SLC25A23: variants seen among roughly 807,000 people sequenced by gnomAD.
The protein encoded by SLC25A23 is solute carrier family 25 member 23, also known as mitochondrial adenyl nucleotide antiporter SLC25A23.
Under a neutral mutation model 53.9 loss-of-function variants are expected in SLC25A23, and 32 were observed. That is an observed-to-expected ratio of 0.59 (90% confidence interval 0.45 to 0.80). The LOEUF is 0.80. SLC25A23 is among the 30% of genes least tolerant of loss of function. The probability of loss-of-function intolerance (pLI) is 0.00; values close to 1 mark genes in which losing one functional copy is unlikely to be tolerated. For missense variants in SLC25A23, 575 were observed against 651.4 expected, an observed-to-expected ratio of 0.88 and a Z score of 1.28; for synonymous variants, 275 against 264.5, an observed-to-expected ratio of 1.04 and a Z score of -0.38.
Position 6,456,405 on chromosome 19 carries a change from C to T in SLC25A23, c.483+15G>A, listed in dbSNP as rs1168235138. ...GGGCACAGCCTTCAGCTGGGGAAAG[C>T]CACCCCCACCTCACCGTGGAATGCT... On this transcript the variant is annotated intron_variant, in intron 4 of 9. Transcript: ENST00000301454. 1.2e-5 allele frequency: 20 copies of T among 1,611,796 alleles called. No homozygotes were observed. Among genetic ancestry groups the T allele is most frequent in the Non-Finnish European group, 1.7e-5 (20 of 1,178,174 alleles).
Position 6,459,024 on chromosome 19 carries a change from C to T in SLC25A23, c.156+449G>A, listed in dbSNP as rs1028472624. Among the ~76,000 whole-genome samples the T allele has an allele frequency of 1.3e-5, 2 of 152,188 alleles. No homozygotes were observed. The highest frequency in any genetic ancestry group is 2.4e-5 in the African/African-American group (1 of 41,436). On this transcript the variant is annotated intron_variant, in intron 1 of 9. Coordinates refer to ENST00000301454, the MANE Select transcript of SLC25A23 (RefSeq NM_024103.3). The surrounding 1 kb of genome is among the most constrained non-coding windows in gnomAD (Gnocchi z 4.6). ...GCAGCCCGGGACAGTGAGCCAGGCC[C>T]GTGAACGGCCCATGAAAGGGCAGGC... is the stretch of plus-strand genomic sequence containing the variant.
At chr19:6,446,498 T>A (rs2092506923) in intron 8 of SLC25A23, among the ~76,000 whole-genome samples, 1 of 152,186 alleles carries the variant, frequency 6.6e-6, no homozygotes, top group South Asian at 2.1e-4. Context: ...CCCAAAGACT[T>A]TGCTTGTGGA....
chr19:6,457,100 C>T (rs1382952052), intron 3 of SLC25A23, among the ~76,000 whole-genome samples: 3 of 150,142 alleles, frequency 2.0e-5, no homozygotes, highest in Non-Finnish European at 4.4e-5. Flanking sequence ...GAGTCTCACT[C>T]CGTCACCCTG....
intron 9 of SLC25A23, 28 bp downstream of exon 9, chr19:6,444,123 C>G (rs556170084): frequency 5.2e-6 from 8 of 1,529,480 alleles, no homozygotes; most frequent in Middle Eastern, 2.2e-4. Flanking sequence ...GAGACTCCCC[C>G]TGCCCCATCC....
At chr19:6,453,915 A>T in intron 7 of SLC25A23, 66 bp downstream of exon 7, 3 of 1,287,498 alleles carry the variant, frequency 2.3e-6, no homozygotes, top group Non-Finnish European at 3.3e-6. Context: ...TGAAATGCAG[A>T]GTGAGATGGG....
chr19:6,456,409 C>A lies in SLC25A23; in HGVS notation c.483+11G>T. On this transcript the variant is annotated intron_variant, in intron 4 of 9. Transcript: ENST00000301454. ...ACAGCCTTCAGCTGGGGAAAGCCACCCCCACCTCACCGTGGAATGCTTCCA... is the reference window on the plus strand; with the variant it reads ...ACAGCCTTCAGCTGGGGAAAGCCACACCCACCTCACCGTGGAATGCTTCCA... The A allele has an allele frequency of 6.2e-7, 1 of 1,612,982 alleles. No individual in the cohort carries two copies.
chr19:6,458,217 A>G lies in SLC25A23; in HGVS notation c.264T>C (p.Ser88=). 3 of 1,613,638 alleles carry G rather than the reference A, an allele frequency of 1.9e-6. No homozygotes were observed. Among genetic ancestry groups the G allele is most frequent in the Non-Finnish European group, 2.5e-6 (3 of 1,179,966 alleles). The part of the protein sequence containing the change: ...REQRLLLMFH[S]LDRNQDGHID... ...CCTTACCATCCTGGTTCCGGTCAAG[A>G]CTGTGAAACATGAGCAGCAGACGCT... is the stretch of plus-strand genomic sequence containing the variant. Residue 88 remains serine, a synonymous_variant, in exon 2 of 10, where the codon AGT becomes AGC. Transcript: ENST00000301454.
In SLC25A23 at chr19:6,444,174, A is replaced by C; in HGVS notation, c.1199T>G (p.Val400Gly). Residue 400 changes from valine (V) to glycine (G), a missense_variant, in exon 9 of 10, where the codon GTC becomes GGC. Transcript: ENST00000301454. ...ACCTTGTGCCTGCATGCGGGTCCGGACCAGGGCCAGCGGGTAACTGGCTAT... is the reference window on the plus strand; with the variant it reads ...ACCTTGTGCCTGCATGCGGGTCCGGCCCAGGGCCAGCGGGTAACTGGCTAT... ...GQIASYPLAL[V>G]RTRMQAQASI... 6.3e-7 allele frequency: 1 copy of C among 1,594,370 alleles called. No individual in the cohort carries two copies. Among genetic ancestry groups the C allele is most frequent in the Non-Finnish European group, 8.5e-7 (1 of 1,170,164 alleles).
chr19:6,452,467 G>T lies in SLC25A23; in HGVS notation c.916C>A (p.Arg306=), dbSNP rs765948848. The T allele has an allele frequency of 1.9e-6, 3 of 1,604,676 alleles. No individual in the cohort carries two copies. In the Admixed American group the frequency reaches 5.1e-5, roughly 27 times the overall value. The change falls in exon 8 of 10, where the codon CGG becomes AGG. Residue 306 remains arginine, a synonymous_variant. Transcript: ENST00000301454. ...IIYPMEVLKT[R]LTLRRTGQYK... ...TGGCCCGTCCGGCGCAAGGTCAGCC[G>T]CGTCTTCAGCACCTGGGGAGAACCT...
Position 6,454,274 on chromosome 19 carries a change from G to T in SLC25A23, c.795+49C>A, listed in dbSNP as rs200436209. 4 of 1,586,216 alleles carry T rather than the reference G, an allele frequency of 2.5e-6. No homozygotes were observed. Among genetic ancestry groups the T allele is most frequent in the Non-Finnish European group, 3.4e-6 (4 of 1,164,312 alleles). ...CCAATCCCGTAAATCTTTATGTACAGCCCAGTCTTCCCTATGGCAAGCACA... is the reference window on the plus strand; with the variant it reads ...CCAATCCCGTAAATCTTTATGTACATCCCAGTCTTCCCTATGGCAAGCACA... On this transcript the variant is annotated intron_variant, in intron 6 of 9. Transcript: ENST00000301454. The surrounding 1 kb of genome is among the most constrained non-coding windows in gnomAD (Gnocchi z 4.3).
chr19:6,458,316 G>A lies in SLC25A23; in HGVS notation c.165C>T (p.Ser55=), dbSNP rs762196842. 22 of 1,612,656 alleles carry A rather than the reference G, an allele frequency of 1.4e-5. No individual in the cohort carries two copies. Among genetic ancestry groups the A allele is most frequent in the Non-Finnish European group, 1.9e-5 (22 of 1,179,856 alleles). ...CATCTGGGTCAGCATCACCCTCAGA[G>A]GAGATACCCTGACAGAGGGAAAGGG... ...NPDPGAQQGI[S]SEGDADPDGG... The change falls in exon 2 of 10, where the codon TCC becomes TCT. Residue 55 remains serine (S), a synonymous_variant. Transcript: ENST00000301454.
intron 4 of SLC25A23, 93 bp downstream of exon 4, chr19:6,456,327 G>A (rs2145058467): frequency 1.5e-6 from 2 of 1,298,752 alleles, no homozygotes; most frequent in Admixed American, 3.8e-5. Context: ...GAAAGTCCTG[G>A]TCCAGCCCAT....
rs768536246 is a variant in SLC25A23, at chr19:6,459,548, G to C, written c.81C>G (p.Gly27=). The C allele has an allele frequency of 6.3e-7, 1 of 1,598,962 alleles. No individual in the cohort carries two copies. The highest frequency in any genetic ancestry group is 8.5e-7 in the Non-Finnish European group (1 of 1,177,054). Reference sequence around the variant, plus strand: ...GGCGCAACTCGTGCACGTCCACGCGGCCATCCTTGTTACTGTCCAGCTCCT... The same window carrying C: ...GGCGCAACTCGTGCACGTCCACGCGCCCATCCTTGTTACTGTCCAGCTCCT... ...LFEELDSNKD[G]RVDVHELRQG... Residue 27 remains glycine (G), a synonymous_variant, in exon 1 of 10, where the codon GGC becomes GGG. Transcript: ENST00000301454. This position sits in a 1 kb window ranked among gnomAD's most constrained non-coding sequence, Gnocchi z 4.6.
At chr19:6,447,200 T>G (rs1268084673) in intron 8 of SLC25A23, among the ~76,000 whole-genome samples, 2 of 152,222 alleles carry the variant, frequency 1.3e-5, no homozygotes, top group African/African-American at 4.8e-5. Flanking sequence ...ATACTCATAC[T>G]GTGTGCATTG....
intron 7 of SLC25A23, among the ~76,000 whole-genome samples, 196 bp downstream of exon 7, chr19:6,453,785 C>T (rs7257120): frequency 0.022 from 3,410 of 152,318 alleles, 131 homozygotes; most frequent in African/African-American, 0.075. Flanking sequence ...CCGACACTAC[C>T]TTCCCCAGAA....
At chr19:6,446,766 A>G (rs542436876) in intron 8 of SLC25A23, among the ~76,000 whole-genome samples, 7 of 151,930 alleles carry the variant, frequency 4.6e-5, no homozygotes, top group African/African-American at 1.7e-4. Flanking sequence ...TTTGGGGGGG[A>G]ACATGTTGAT....
Position 6,442,179 on chromosome 19 carries a change from G to A in SLC25A23, c.1223-20C>T, listed in dbSNP as rs2092431949. 5.5e-6 allele frequency: 8 copies of A among 1,456,834 alleles called. No individual in the cohort carries two copies. Among genetic ancestry groups the A allele is most frequent in the East Asian group, 2.4e-5 (1 of 41,990 alleles). The allele number at this position is 1,456,834 out of a possible 1,614,324, so 90.2% of individuals were successfully genotyped here. A position where few individuals can be genotyped will look rare whatever the true frequency, so the allele number is the denominator to read the frequency against. ...TGGAGGCTGGGAGGGGGCGGGGGGGGCACCAGGTAAGGCCAACGTTCCCCT... is the reference window on the plus strand; with the variant it reads ...TGGAGGCTGGGAGGGGGCGGGGGGGACACCAGGTAAGGCCAACGTTCCCCT... On this transcript the variant is annotated intron_variant, in intron 9 of 9. Transcript: ENST00000301454.
At chr19:6,457,667 A>G (rs2092700719) in intron 2 of SLC25A23, 77 bp from the exon 3 acceptor site, 1 of 1,287,064 alleles carries the variant, frequency 7.8e-7, no homozygotes. Flanking sequence ...GGATCAGAAC[A>G]GCTTGGAATG....
rs1425866179 is a variant in SLC25A23 at position 6,454,750 on chromosome 19, T to C, written c.484-33A>G. On this transcript the variant is annotated intron_variant, in intron 4 of 9. Transcript: ENST00000301454. This position sits in a 1 kb window ranked among gnomAD's most constrained non-coding sequence, Gnocchi z 4.3. Reference sequence around the variant, plus strand: ...TACAGGTGTTGGGGGTGTCATGCCATGGTGGGGACAGGGAGATGTGACTCA... The same window carrying C: ...TACAGGTGTTGGGGGTGTCATGCCACGGTGGGGACAGGGAGATGTGACTCA... 2.5e-6 allele frequency: 4 copies of C among 1,610,304 alleles called. No individual in the cohort carries two copies. Among genetic ancestry groups the C allele is most frequent in the African/African-American group, 2.7e-5 (2 of 75,014 alleles).
Sources: allele counts gnomAD v4.1 joint callset (sites outside exome capture counted in the v4.1 genomes callset), GRCh38; gene constraint gnomAD v4.1.1; non-coding constraint Gnocchi (gnomAD v3.1); transcripts MANE v1.5; gene names NCBI Gene and HGNC (gene_info 2026-07-23, HGNC 2026-07-21).